ASTN2: variants seen among roughly 807,000 people sequenced by gnomAD.
The protein encoded by ASTN2 is astrotactin 2, also known as astrotactin-2.
ASTN2 carries 54 observed loss-of-function variants against 139.8 expected under a neutral mutation model. That is an observed-to-expected ratio of 0.39 (90% CI 0.31 to 0.48). ASTN2 has a LOEUF of 0.48. ASTN2 is among the 20% of genes least tolerant of loss of function. The probability of loss-of-function intolerance (pLI) is 0.95; values close to 1 mark genes in which losing one functional copy is unlikely to be tolerated. For synonymous variants in ASTN2, 756 were observed against 719.5 expected (o/e 1.05, Z -0.81); for missense variants, 1,565 against 1,725.1 (o/e 0.91, Z 1.64).
intron 5 of ASTN2, among the ~76,000 whole-genome samples, chr9:117,076,001 G>C (rs746318525): frequency 1.3e-5 from 2 of 152,288 alleles, no homozygotes; most frequent in Middle Eastern, 3.4e-3. Context: ...CAGATCACAA[G>C]AATCATACTG....
chr9:116,536,311 T>C (rs1348683103), intron 19 of ASTN2, among the ~76,000 whole-genome samples: 1 of 152,014 alleles, frequency 6.6e-6, no homozygotes, highest in Admixed American at 6.6e-5. Context: ...ACTTCCTCCT[T>C]TAGCTCGGAG....
chr9:116,646,701 CTG>C (rs1253178074), intron 17 of ASTN2, among the ~76,000 whole-genome samples: 1 of 152,152 alleles, frequency 6.6e-6, no homozygotes, highest in Non-Finnish European at 1.5e-5. Flanking sequence ...AAAGAAGAAA[CTG>C]GAGACTTGGA....
At chr9:116,539,582 G>A (rs1228178355) in intron 19 of ASTN2, among the ~76,000 whole-genome samples, 1 of 152,110 alleles carries the variant, frequency 6.6e-6, no homozygotes, top group Non-Finnish European at 1.5e-5. Context: ...TTTCCAGGGA[G>A]GATATGTTTT....
At chr9:117,184,232 C>T (rs1369706717) in intron 3 of ASTN2, among the ~76,000 whole-genome samples, 2 of 152,196 alleles carry the variant, frequency 1.3e-5, no homozygotes, top group African/African-American at 4.8e-5. Context: ...AGCATACTGC[C>T]TCCTCTCCCC....
intron 3 of ASTN2, among the ~76,000 whole-genome samples, chr9:117,173,368 T>C (rs1200561686): frequency 1.3e-5 from 2 of 152,028 alleles, no homozygotes; most frequent in African/African-American, 4.8e-5. Flanking sequence ...ATATAGAAAT[T>C]TGGTCAATAA....
chr9:116,718,971 TGTAC>T (rs1828393090), intron 16 of ASTN2, among the ~76,000 whole-genome samples: 1 of 96,268 alleles, frequency 1.0e-5, no homozygotes, highest in Non-Finnish European at 2.1e-5. Context: ...TACCTGTATC[TGTAC>T]ATATATATAT....
At position 116,426,036 on chromosome 9, in the gene ASTN2, T is replaced by C. The variant is rs776990692; in HGVS notation, c.3835A>G (p.Ser1279Gly). The change falls in exon 23 of 23, where the codon AGC becomes GGC. Residue 1279 changes from serine (S) to glycine (G), a missense_variant. This residue lies in a region of ASTN2 where 418 missense variants were observed against 465.8 expected (regional missense o/e 0.90). Transcript: ENST00000313400. ...RLERVSSHCS[S>G]LLRSAYIQSR... ...TGGATGTAGGCACTCCGCAGGAGGC[T>C]GGAGCAGTGGCTACTCACCCTCTCC... 9.9e-6 allele frequency: 16 copies of C among 1,613,894 alleles called. No homozygotes were observed. The highest frequency in any genetic ancestry group is 1.6e-4 in the Middle Eastern group (1 of 6,084).
chr9:116,843,148 A>G (rs1832314938), intron 11 of ASTN2, among the ~76,000 whole-genome samples: 1 of 152,208 alleles, frequency 6.6e-6, no homozygotes, highest in South Asian at 2.1e-4. Flanking sequence ...CCGTGTGTTC[A>G]TTGTTGCCCT....
chr9:117,129,715 T>G (rs1829784582), intron 4 of ASTN2, among the ~76,000 whole-genome samples: 1 of 152,158 alleles, frequency 6.6e-6, no homozygotes, highest in Admixed American at 6.5e-5. Context: ...TTTTTTCATT[T>G]AAGCATTTTG....
intron 12 of ASTN2, among the ~76,000 whole-genome samples, chr9:116,809,091 T>A (rs1017620305): frequency 1.3e-5 from 2 of 152,194 alleles, no homozygotes; most frequent in East Asian, 3.8e-4. Flanking sequence ...TGTGCTTGTA[T>A]TTTAATCTTG....
rs1293851276 is a variant in ASTN2, at chr9:116,861,431, G to A, written c.2040+2152C>T. On this transcript the variant is annotated intron_variant, in intron 11 of 22. Transcript: ENST00000313400. The stretch of plus-strand genomic sequence containing the variant: ...GACACAACACAGAACATCCTTTTGA[G>A]CTGTTTGTCCACTGGCTGGGTTTCA... Among the ~76,000 whole-genome samples the A allele has an allele frequency of 2.0e-5, 3 of 152,170 alleles. No homozygotes were observed. The East Asian group carries it at 5.8e-4, about 29-fold the overall frequency.
chr9:117,003,953 C>CGCGCGCGTGTGT (rs1218309835), intron 7 of ASTN2, among the ~76,000 whole-genome samples: 26 of 146,226 alleles, frequency 1.8e-4, no homozygotes, highest in African/African-American at 6.5e-4. Flanking sequence ...CGCGCGCGCG[C>CGCGCGCGTGTGT]GTGTGTGTGT....
intron 2 of ASTN2, among the ~76,000 whole-genome samples, chr9:117,225,580 T>G (rs1832688409): frequency 8.3e-6 from 1 of 120,382 alleles, no homozygotes; most frequent in African/African-American, 2.9e-5. Context: ...TATATACAGA[T>G]GAACCCAAGT....
intron 5 of ASTN2, among the ~76,000 whole-genome samples, chr9:117,060,308 CAAAAAAG>C (rs1422719369): frequency 1.9e-5 from 2 of 104,328 alleles, no homozygotes; most frequent in Non-Finnish European, 3.8e-5. Flanking sequence ...AAGACTCTGT[CAAAAAAG>C]AAAAAAGAAA....
intron 11 of ASTN2, among the ~76,000 whole-genome samples, chr9:116,862,757 T>C (rs1227338701): frequency 2.0e-5 from 3 of 151,838 alleles, no homozygotes; most frequent in African/African-American, 7.3e-5. Flanking sequence ...GTTTAGCCTA[T>C]GTGGCAATGT....
At position 117,075,940 on chromosome 9, in the gene ASTN2, T is replaced by A. The variant is rs575195227; in HGVS notation, c.1276+20104A>T. The stretch of plus-strand genomic sequence containing the variant: ...ATTAAGAAGAGAGGTTCCTCCAGTC[T>A]CCTGAAGAGACCTTCAGCAGGCATC... On this transcript the variant is annotated intron_variant, in intron 5 of 22. Coordinates refer to ENST00000313400, the MANE Select transcript of ASTN2 (RefSeq NM_001365068.1). 3.7e-4 allele frequency among the ~76,000 whole-genome samples: 56 copies of A among 152,248 alleles called. 3 individuals carry two copies. In the South Asian group the frequency reaches 7.1e-3, roughly 19 times the overall value.
intron 6 of ASTN2, among the ~76,000 whole-genome samples, chr9:117,036,432 T>G (rs1344426829): frequency 6.6e-6 from 1 of 152,222 alleles, no homozygotes; most frequent in Admixed American, 6.5e-5. Flanking sequence ...CTGAGCCTCC[T>G]GACTGGGGAG....
chr9:116,690,640 G>C (rs956823034), intron 16 of ASTN2, among the ~76,000 whole-genome samples: 1 of 152,120 alleles, frequency 6.6e-6, no homozygotes, highest in Admixed American at 6.6e-5. Flanking sequence ...CTAAAGCTAG[G>C]GAACTATGAA....
intron 4 of ASTN2, among the ~76,000 whole-genome samples, chr9:117,140,554 G>C (rs1830049306): frequency 6.6e-6 from 1 of 151,620 alleles, no homozygotes; most frequent in South Asian, 2.1e-4. Flanking sequence ...TGAAGAGAAG[G>C]AGGAGGAGGA....
Sources: gnomAD v4.1 joint callset for allele counts (sites outside exome capture counted in the v4.1 genomes callset) on GRCh38, gnomAD v4.1.1 for gene constraint, gnomAD v4.1.1 regional missense constraint, MANE v1.5 for transcripts, NCBI Gene and HGNC (gene_info 2026-07-23, HGNC 2026-07-21) for gene names.